The following SIGLEC9 variants were observed in gnomAD, a reference collection of about 807,000 sequenced individuals.
SIGLEC9 encodes the protein sialic acid-binding Ig-like lectin 9.
Under a neutral mutation model 38.3 loss-of-function variants are expected in SIGLEC9, and 26 were observed. The ratio of observed to expected loss-of-function variants is 0.68; its 90% CI spans 0.50 to 0.94. The LOEUF is 0.94. SIGLEC9 is among the 40% of genes least tolerant of loss of function. The pLI is 0.00. For missense variants in SIGLEC9, 556 were observed against 585.7 expected, an observed-to-expected ratio of 0.95 and a Z score of 0.52; for synonymous variants, 236 against 248.0, an observed-to-expected ratio of 0.95 and a Z score of 0.45.
At chr19:51,122,320 C>A (rs752795247), upstream of SIGLEC9, among the ~76,000 whole-genome samples, 2 of 152,122 alleles carry the variant, frequency 1.3e-5, no homozygotes, top group Non-Finnish European at 2.9e-5. The surrounding 1 kb of genome is among the most constrained non-coding windows in gnomAD (Gnocchi z 4.1). Flanking sequence ...TGGTGGCTCA[C>A]GCTTGTAATG....
exon 7 of SIGLEC9, chr19:51,136,020 T>C (rs1360040825): frequency 1.4e-6 from 1 of 703,618 alleles, no homozygotes; most frequent in South Asian, 1.5e-5. Context: ...GAGTTTCTCC[T>C]GAATCTCCGT....
At chr19:51,129,196 T>C (rs984947175) in intron 6 of SIGLEC9, among the ~76,000 whole-genome samples, 2 of 139,670 alleles carry the variant, frequency 1.4e-5, no homozygotes, top group African/African-American at 6.7e-5. Flanking sequence ...TCTTGCTCTG[T>C]CGCCCAGGCT....
intron 3 of SIGLEC9, among the ~76,000 whole-genome samples, chr19:51,126,790 A>C (rs2091981741): frequency 6.6e-6 from 1 of 152,198 alleles, no homozygotes; most frequent in African/African-American, 2.4e-5. Flanking sequence ...CTGTGGGTTA[A>C]GTTCCTAAAA....
intron 5 of SIGLEC9, 31 bp downstream of exon 5, chr19:51,128,070 G>C: frequency 6.4e-7 from 1 of 1,551,630 alleles, no homozygotes; most frequent in Non-Finnish European, 8.9e-7. Context: ...GGGAGGGAGG[G>C]AGAGCCCTGG....
At chr19:51,128,161 G>A in intron 5 of SIGLEC9, 122 bp downstream of exon 5, 2 of 844,048 alleles carry the variant, frequency 2.4e-6, no homozygotes, top group East Asian at 2.4e-5. Flanking sequence ...GCAAGAAGGA[G>A]GTCACAGGTG....
downstream of SIGLEC9, among the ~76,000 whole-genome samples, chr19:51,134,147 C>CT (rs71185802): frequency 0.56 from 37,019 of 66,526 alleles, 14,185 homozygotes; most frequent in East Asian, 0.83. Context: ...TCTTTCTTTT[C>CT]TTTTTTTTTT....
Position 51,127,496 on chromosome 19 carries a change from G to C in SIGLEC9, c.1015+200G>C, listed in dbSNP as rs2091986661. Among the ~76,000 whole-genome samples, 3 of 146,412 alleles carry C rather than the reference G, an allele frequency of 2.0e-5. No individual in the cohort carries two copies. In the South Asian group the frequency reaches 6.6e-4, roughly 32 times the overall value. ...GGGTTGTGGGGTGGGGAGAGGGCAGGAGTGGATCTCAGAGGGGACAGGATG... is the reference window on the plus strand; with the variant it reads ...GGGTTGTGGGGTGGGGAGAGGGCAGCAGTGGATCTCAGAGGGGACAGGATG... On this transcript the variant is annotated intron_variant, in intron 4 of 6. Transcript: ENST00000250360.
At chr19:51,128,557 C>G (rs1273076677) in intron 6 of SIGLEC9, 47 bp downstream of exon 6, 1 of 1,554,256 alleles carries the variant, frequency 6.4e-7, no homozygotes, top group East Asian at 2.2e-5. Flanking sequence ...CTGGACACCT[C>G]CCACAGGATG....
upstream of SIGLEC9, among the ~76,000 whole-genome samples, chr19:51,122,495 C>T (rs1253701746): frequency 2.7e-5 from 4 of 150,922 alleles, no homozygotes; most frequent in East Asian, 5.8e-4. The surrounding 1 kb of genome is among the most constrained non-coding windows in gnomAD (Gnocchi z 4.1). Flanking sequence ...GCAGGAGAAT[C>T]GCTTGAACGT....
At chr19:51,133,698 T>C (rs1237145892), downstream of SIGLEC9, among the ~76,000 whole-genome samples, 1 of 152,152 alleles carries the variant, frequency 6.6e-6, no homozygotes, top group Non-Finnish European at 1.5e-5. Context: ...CTGAAGCGAA[T>C]CATAAACCTA....
intron 4 of SIGLEC9, among the ~76,000 whole-genome samples, chr19:51,127,526 C>CT (rs5828457): frequency 0.66 from 99,697 of 151,760 alleles, 34,133 homozygotes; most frequent in African/African-American, 0.86. Context: ...AGGATGGGGC[C>CT]GGACAGGTGT....
At chr19:51,130,477 C>A (rs1274036545), downstream of SIGLEC9, among the ~76,000 whole-genome samples, 1 of 152,138 alleles carries the variant, frequency 6.6e-6, no homozygotes, top group Non-Finnish European at 1.5e-5. Context: ...CTGCTGGGAA[C>A]CTCTCCTGAT....
In SIGLEC9 at chr19:51,125,839, G is replaced by A. The variant is rs777323184; in HGVS notation, c.664G>A (p.Val222Met). The A allele has an allele frequency of 6.8e-6, 11 of 1,614,014 alleles. No individual in the cohort carries two copies. Among genetic ancestry groups the A allele is most frequent in the South Asian group, 6.6e-5 (6 of 91,092 alleles). ...TCAGGTGACCTTCCCTGGGGCCAGC[G>A]TGACCACGAACAAGACCGTCCATCT... The part of the protein sequence containing the change: ...TCQVTFPGAS[V>M]TTNKTVHLNV... The change falls in exon 2 of 7, where the codon GTG becomes ATG. Residue 222 changes from valine (V) to methionine (M), a missense_variant. Transcript: ENST00000250360.
upstream of SIGLEC9, among the ~76,000 whole-genome samples, chr19:51,121,669 C>T (rs1599812559): frequency 1.3e-5 from 2 of 151,066 alleles, no homozygotes; most frequent in Non-Finnish European, 3.0e-5. Flanking sequence ...TCACTGCAAC[C>T]TCCGCCTCCT....
chr19:51,128,326 C>T, intron 5 of SIGLEC9, 88 bp from the exon 6 acceptor site: 1 of 1,462,988 alleles, frequency 6.8e-7, no homozygotes, highest in Non-Finnish European at 9.6e-7. Flanking sequence ...CCCTGCAGTC[C>T]CTTAATAGGA....
At chr19:51,120,650 G>C (rs2091948604), upstream of SIGLEC9, 2 of 162,510 alleles carry the variant, frequency 1.2e-5, no homozygotes, top group Admixed American at 6.5e-5. The surrounding 1 kb of genome is among the most constrained non-coding windows in gnomAD (Gnocchi z 4.1). Context: ...CCAGTCCTCA[G>C]TTCTCAGCCT....
At chr19:51,126,864 T>C (rs2091982013) in intron 3 of SIGLEC9, among the ~76,000 whole-genome samples, 166 bp from the exon 4 acceptor site, 1 of 152,244 alleles carries the variant, frequency 6.6e-6, no homozygotes, top group Admixed American at 6.5e-5. Context: ...CTGTTCTCGA[T>C]GAAGCGGGGA....
chr19:51,124,984 C>T lies in SIGLEC9; in HGVS notation c.10C>T (p.Leu4=). ...ACCTCTAACCCCAGACATGCTGCTG[C>T]TGCTGCTGCCCCTGCTCTGGGGGAG... The part of the protein sequence containing the change: MLL[L]LLPLLWGRER... The change falls in exon 1 of 7, where the codon CTG becomes TTG. Residue 4 remains leucine, a synonymous_variant. Coordinates refer to ENST00000250360, the MANE Select transcript of SIGLEC9 (RefSeq NM_014441.3). 6.2e-7 allele frequency: 1 copy of T among 1,604,920 alleles called. No individual in the cohort carries two copies.
At chr19:51,129,259 A>T (rs955377075) in intron 6 of SIGLEC9, among the ~76,000 whole-genome samples, 1 of 151,412 alleles carries the variant, frequency 6.6e-6, no homozygotes. Context: ...TCCGGGTTCA[A>T]GCCATTCTCC....
Sources: allele counts gnomAD v4.1 joint callset (sites outside exome capture counted in the v4.1 genomes callset), GRCh38; gene constraint gnomAD v4.1.1; non-coding constraint Gnocchi (gnomAD v3.1); transcripts MANE v1.5; gene names NCBI Gene and HGNC (gene_info 2026-07-23, HGNC 2026-07-21).